DNM3: variants seen among roughly 807,000 people sequenced by gnomAD.
DNM3 encodes dynamin 3, also known as dynamin-3.
Under a neutral mutation model 101.6 loss-of-function variants are expected in DNM3, and 47 were observed. That is an observed-to-expected ratio of 0.46 (90% CI 0.37 to 0.59). DNM3 has a LOEUF of 0.59. DNM3 is among the 20% of genes least tolerant of loss of function. The pLI is 0.00. For synonymous variants in DNM3, 385 were observed against 387.9 expected (o/e 0.99, Z 0.09); for missense variants, 849 against 1,085.7 (o/e 0.78, Z 3.06).
intron 4 of DNM3, among the ~76,000 whole-genome samples, chr1:172,028,480 C>T (rs567902344): frequency 1.5e-3 from 227 of 152,082 alleles, no homozygotes; most frequent in African/African-American, 5.1e-3. Flanking sequence ...GATCTAAAAT[C>T]GACACCCTAA....
At chr1:172,376,702 T>C (rs1340259952) in intron 17 of DNM3, 4 of 152,090 alleles carry the variant, frequency 2.6e-5, no homozygotes, top group African/African-American at 9.7e-5. Context: ...GTCCACTGTA[T>C]TATCAGAATA....
At chr1:172,192,375 T>G (rs1355183687) in intron 14 of DNM3, among the ~76,000 whole-genome samples, 2 of 151,924 alleles carry the variant, frequency 1.3e-5, no homozygotes, top group African/African-American at 4.8e-5. Flanking sequence ...AGCTTTTTTT[T>G]TTTTTCTTTT....
chr1:172,092,543 C>T (rs950653864), intron 12 of DNM3, among the ~76,000 whole-genome samples: 2 of 152,160 alleles, frequency 1.3e-5, no homozygotes, highest in African/African-American at 4.8e-5. Context: ...ACCTGTGAGA[C>T]ACTGCAAATA....
chr1:171,904,601 T>C (rs971309852), intron 1 of DNM3, among the ~76,000 whole-genome samples: 1 of 152,178 alleles, frequency 6.6e-6, no homozygotes, highest in African/African-American at 2.4e-5. Flanking sequence ...TTTAGAAGAC[T>C]GGCCAGTTTC....
intron 1 of DNM3, among the ~76,000 whole-genome samples, chr1:171,918,929 C>T (rs1017104128): frequency 6.6e-6 from 1 of 152,178 alleles, no homozygotes; most frequent in Admixed American, 6.5e-5. Context: ...AAACAGGTCT[C>T]AGCATGAAGA....
chr1:171,856,663 G>T (rs1209015923), intron 1 of DNM3, among the ~76,000 whole-genome samples: 1 of 152,020 alleles, frequency 6.6e-6, no homozygotes. Context: ...TTCCTGATTT[G>T]GCTCTCAGCT....
At chr1:172,150,052 A>G (rs2058070935) in intron 14 of DNM3, among the ~76,000 whole-genome samples, 2 of 152,156 alleles carry the variant, frequency 1.3e-5, no homozygotes, top group African/African-American at 2.4e-5. Context: ...ATCTTCTAGT[A>G]TATACAAAAG....
At chr1:171,983,398 C>CAGTGAGTAATGATGCACCACTCCACT (rs2044975981) in intron 2 of DNM3, among the ~76,000 whole-genome samples, 17 of 119,454 alleles carry the variant, frequency 1.4e-4, no homozygotes, top group South Asian at 2.7e-4. Flanking sequence ...GTTGAGGCTG[C>CAGTGAGTAATGATGCACCACTCCACT]CTTAAACCTC....
intron 17 of DNM3, among the ~76,000 whole-genome samples, chr1:172,343,692 T>C (rs2066796045): frequency 6.6e-6 from 1 of 152,202 alleles, no homozygotes; most frequent in African/African-American, 2.4e-5. Context: ...TCTTCCAAGT[T>C]TTTATTTCAC....
chr1:172,240,339 A>G (rs981593134), intron 14 of DNM3, among the ~76,000 whole-genome samples: 1 of 151,922 alleles, frequency 6.6e-6, no homozygotes, highest in African/African-American at 2.4e-5. Context: ...TCTTTTTGAG[A>G]GAGAGGGGAA....
At chr1:172,396,076 G>A (rs2069967041) in intron 20 of DNM3, among the ~76,000 whole-genome samples, 1 of 152,162 alleles carries the variant, frequency 6.6e-6, no homozygotes, top group African/African-American at 2.4e-5. Flanking sequence ...CTGCTTTTCA[G>A]GCATCACAGC....
intron 17 of DNM3, among the ~76,000 whole-genome samples, chr1:172,335,265 TAG>T (rs1290018058): frequency 3.3e-5 from 5 of 152,054 alleles, no homozygotes; most frequent in Non-Finnish European, 5.9e-5. Context: ...CATTTAGAGG[TAG>T]AGTTTTTCGG....
At chr1:171,942,575 A>T in intron 2 of DNM3, among the ~76,000 whole-genome samples, 1 of 151,550 alleles carries the variant, frequency 6.6e-6, no homozygotes, top group East Asian at 1.9e-4. Flanking sequence ...TGTACCAGAC[A>T]CATATTGAAC....
rs151267963 is a variant in DNM3 at position 171,994,825 on chromosome 1, T to C, written c.589+5677T>C. ...TTCTGGGGAAAGAGGCTTTTCACAC[T>C]GAATAAGCTCTGAGTCAGGTCAAGT... On this transcript the variant is annotated intron_variant, in intron 4 of 20. Transcript: ENST00000627582. 1.9e-3 allele frequency among the ~76,000 whole-genome samples: 283 copies of C among 152,132 alleles called. 2 individuals are homozygous for C. Among genetic ancestry groups the C allele is most frequent in the African/African-American group, 6.3e-3 (260 of 41,522 alleles).
intron 1 of DNM3, among the ~76,000 whole-genome samples, chr1:171,845,248 A>G (rs1558154542): frequency 6.6e-6 from 1 of 152,168 alleles, no homozygotes; most frequent in Non-Finnish European, 1.5e-5. Context: ...TATAAATGTT[A>G]CCTATATTAA....
At chr1:171,960,974 A>G (rs1379061550) in intron 2 of DNM3, among the ~76,000 whole-genome samples, 1 of 152,150 alleles carries the variant, frequency 6.6e-6, no homozygotes, top group African/African-American at 2.4e-5. Context: ...GAAGTTTGGA[A>G]TAGTTGTTCA....
rs1014868311 is a variant in DNM3 at position 172,012,575 on chromosome 1, C to A, written c.590-19827C>A. On this transcript the variant is annotated intron_variant, in intron 4 of 20. Coordinates refer to ENST00000627582, the MANE Select transcript of DNM3 (RefSeq NM_015569.5). ...TTTGGAGTGCAAATTCTCAGAGACCCACTTCACATCTAAATTTCCTTATTT... is the reference window on the plus strand; with the variant it reads ...TTTGGAGTGCAAATTCTCAGAGACCAACTTCACATCTAAATTTCCTTATTT... Among the ~76,000 whole-genome samples, 77 of 151,806 alleles carry A rather than the reference C, an allele frequency of 5.1e-4. 2 individuals are homozygous for A. The highest frequency in any genetic ancestry group is 2.9e-5 in the Non-Finnish European group (2 of 67,882).
chr1:172,118,974 A>T (rs1318346894), intron 13 of DNM3, among the ~76,000 whole-genome samples: 1 of 151,530 alleles, frequency 6.6e-6, no homozygotes, highest in East Asian at 1.9e-4. Context: ...GGTCAGGCTG[A>T]TGTCATACTA....
At chr1:172,025,226 C>CCGCTGTAG (rs1288325936) in intron 4 of DNM3, among the ~76,000 whole-genome samples, 1 of 152,226 alleles carries the variant, frequency 6.6e-6, no homozygotes, top group African/African-American at 2.4e-5. Context: ...CTCAGCAAAG[C>CCGCTGTAG]CGCTGTAGCC....
Sources: gnomAD v4.1 joint callset for allele counts (sites outside exome capture counted in the v4.1 genomes callset) on GRCh38, gnomAD v4.1.1 for gene constraint, MANE v1.5 for transcripts, NCBI Gene and HGNC (gene_info 2026-07-23, HGNC 2026-07-21) for gene names.